UMAD1: variants seen among roughly 807,000 people sequenced by gnomAD.
The protein encoded by UMAD1 is UBAP1-MVB12-associated (UMA) domain containing 1.
In UMAD1, 8 loss-of-function variants were observed where a neutral mutation model predicts 6.1. That is an observed-to-expected ratio of 1.30 (90% CI 0.76 to 2.35). The LOEUF is 2.35. Ranked by LOEUF, UMAD1 falls within the 30% of genes most tolerant of loss-of-function variation. The pLI is 0.00. For synonymous variants in UMAD1, 56 were observed against 31.4 expected (o/e 1.78, Z -2.61); for missense variants, 130 against 78.4 (o/e 1.66, Z -2.49).
intron 2 of UMAD1, among the ~76,000 whole-genome samples, chr7:7,676,636 G>A (rs1261180431): frequency 6.6e-6 from 1 of 152,080 alleles, no homozygotes; most frequent in African/African-American, 2.4e-5. Flanking sequence ...TTGTAATACT[G>A]TTCATAAAGT....
intron 2 of UMAD1, among the ~76,000 whole-genome samples, chr7:7,749,684 G>A (rs1055305515): frequency 2.6e-5 from 4 of 152,046 alleles, no homozygotes; most frequent in African/African-American, 9.7e-5. Context: ...GTTGATATTT[G>A]CTGTGATCTA....
intron 2 of UMAD1, among the ~76,000 whole-genome samples, chr7:7,715,612 A>G (rs1367251342): frequency 6.6e-6 from 1 of 152,218 alleles, no homozygotes; most frequent in Non-Finnish European, 1.5e-5. Flanking sequence ...AATGAGGATA[A>G]AGTTTTTCAA....
chr7:7,658,791 G>C (rs545053031), intron 1 of UMAD1, among the ~76,000 whole-genome samples: 190 of 151,362 alleles, frequency 1.3e-3, no homozygotes, highest in Non-Finnish European at 2.0e-3. Flanking sequence ...TTGTATCTCT[G>C]CCTGGTGTCG....
intron 2 of UMAD1, among the ~76,000 whole-genome samples, chr7:7,674,057 G>A (rs1476537650): frequency 6.6e-6 from 1 of 152,160 alleles, no homozygotes; most frequent in Non-Finnish European, 1.5e-5. Context: ...CTGAGGAAAA[G>A]TTTTGCACAA....
At chr7:7,714,019 A>T (rs1015474039) in intron 2 of UMAD1, among the ~76,000 whole-genome samples, 1 of 152,112 alleles carries the variant, frequency 6.6e-6, no homozygotes, top group South Asian at 2.1e-4. Flanking sequence ...TTCATCGTCA[A>T]TACTTCTTTG....
intron 2 of UMAD1, among the ~76,000 whole-genome samples, chr7:7,688,760 C>A (rs1233745103): frequency 6.6e-6 from 1 of 152,150 alleles, no homozygotes; most frequent in Non-Finnish European, 1.5e-5. Context: ...GGACATCTAA[C>A]CCGCTGCGTA....
At position 7,744,593 on chromosome 7, in the gene UMAD1, G is replaced by GTT. The variant is rs377391555; in HGVS notation, c.83-57062_83-57061dup. 1.0e-3 allele frequency among the ~76,000 whole-genome samples: 138 copies of GTT among 135,854 alleles called. 1 individual carries two copies. Among genetic ancestry groups the GTT allele is most frequent in the Admixed American group, 2.2e-3 (30 of 13,698 alleles). 89.1% of individuals were successfully genotyped at this position (135,854 alleles called of 152,430 possible). On this transcript the variant is annotated intron_variant, in intron 2 of 3. Coordinates refer to ENST00000682710, the MANE Select transcript of UMAD1 (RefSeq NM_001302348.2). ...CGTCCTGGTAACACTAATTGTTACT[G>GTT]TTTTTTTTTTTTTTTTATTATAGTC...
chr7:7,877,458 C>A lies in UMAD1; in HGVS notation c.334C>A (p.Leu112Ile), dbSNP rs1477135543. ...GTITDLPDHL[L>I]SYDGSENLSR... ...CATCACTGACCTTCCCGACCACTTA[C>A]TCTCCTATGATGGCAGCGAAAACTT... Residue 112 changes from leucine to isoleucine, a missense_variant, in exon 4 of 4, where the codon CTC becomes ATC. Leu to Ile is a conservative substitution (Grantham distance 5). Coordinates refer to ENST00000682710, the MANE Select transcript of UMAD1 (RefSeq NM_001302348.2). 1.4e-6 allele frequency: 1 copy of A among 717,690 alleles called. No individual in the cohort carries two copies. Among genetic ancestry groups the A allele is most frequent in the African/African-American group, 1.7e-5 (1 of 57,384 alleles). The allele number at this position is 717,690 out of a possible 1,614,324, so 44.5% of individuals were successfully genotyped here. A position where few individuals can be genotyped will look rare whatever the true frequency, so the allele number is the denominator to read the frequency against.
chr7:7,696,281 G>T (rs1230347690), intron 2 of UMAD1, among the ~76,000 whole-genome samples: 1 of 150,540 alleles, frequency 6.6e-6, no homozygotes, highest in East Asian at 1.9e-4. Flanking sequence ...GCCAAAGTTG[G>T]TAAGAATTAT....
At chr7:7,720,571 A>C (rs1343454461) in intron 2 of UMAD1, among the ~76,000 whole-genome samples, 1 of 152,212 alleles carries the variant, frequency 6.6e-6, no homozygotes, top group Non-Finnish European at 1.5e-5. Context: ...AAACAAAAGA[A>C]AAATTTTCAC....
intron 2 of UMAD1, among the ~76,000 whole-genome samples, chr7:7,679,731 T>C (rs7805574): frequency 0.59 from 79,548 of 135,802 alleles, 23,817 homozygotes; most frequent in East Asian, 0.78. Context: ...TATATATATA[T>C]ACACACACAC....
At chr7:7,837,137 C>G (rs762608509) in intron 3 of UMAD1, among the ~76,000 whole-genome samples, 1 of 152,030 alleles carries the variant, frequency 6.6e-6, no homozygotes, top group African/African-American at 2.4e-5. Flanking sequence ...AGTAACAGCA[C>G]TGGATCCAAA....
chr7:7,834,016 C>CTTTTTTTTTTTTTTTTTTTT (rs4034895), intron 3 of UMAD1, among the ~76,000 whole-genome samples: 16 of 110,474 alleles, frequency 1.4e-4, no homozygotes, highest in East Asian at 4.8e-4. Flanking sequence ...TTTTTCTTTT[C>CTTTTTTTTTTTTTTTTTTTT]TTTTTTTTTT....
chr7:7,824,843 A>C (rs564878106), intron 3 of UMAD1, among the ~76,000 whole-genome samples: 11 of 152,206 alleles, frequency 7.2e-5, no homozygotes, highest in African/African-American at 2.4e-4. Flanking sequence ...CTCACTTACC[A>C]CCATTTGTCT....
chr7:7,813,813 A>G (rs988881389), intron 3 of UMAD1, among the ~76,000 whole-genome samples: 41 of 152,176 alleles, frequency 2.7e-4, no homozygotes, highest in African/African-American at 7.5e-4. Context: ...TTAGTCCTGC[A>G]CAGATTGCCT....
intron 2 of UMAD1, among the ~76,000 whole-genome samples, chr7:7,785,060 C>G (rs1453107726): frequency 6.6e-6 from 1 of 152,124 alleles, no homozygotes; most frequent in Non-Finnish European, 1.5e-5. Context: ...CCTGTATGGT[C>G]ATTTCCAAGT....
chr7:7,843,212 T>C (rs1393029273), intron 3 of UMAD1, among the ~76,000 whole-genome samples: 2 of 152,200 alleles, frequency 1.3e-5, no homozygotes, highest in Admixed American at 6.6e-5. Flanking sequence ...ACTGCAAAGT[T>C]TGTGAAAGGT....
intron 3 of UMAD1, among the ~76,000 whole-genome samples, chr7:7,874,671 G>A (rs1784385109): frequency 1.3e-5 from 2 of 152,078 alleles, no homozygotes; most frequent in African/African-American, 4.8e-5. Flanking sequence ...ACAAAAAGTA[G>A]CTGGACATTC....
chr7:7,840,627 T>C (rs753286026), intron 3 of UMAD1, among the ~76,000 whole-genome samples: 1 of 152,126 alleles, frequency 6.6e-6, no homozygotes, highest in Non-Finnish European at 1.5e-5. Flanking sequence ...ATTTATTGTA[T>C]ATAGTGTGCA....
Sources: allele counts gnomAD v4.1 joint callset (sites outside exome capture counted in the v4.1 genomes callset), GRCh38; gene constraint gnomAD v4.1.1; transcripts MANE v1.5; gene names NCBI Gene and HGNC (gene_info 2026-07-23, HGNC 2026-07-21).